The following USP15 variants were observed in gnomAD, a reference collection of about 807,000 sequenced individuals.
USP15 encodes ubiquitin carboxyl-terminal hydrolase 15.
Under a neutral mutation model 127.1 loss-of-function variants are expected in USP15, and 18 were observed. The ratio of observed to expected loss-of-function variants is 0.14; its 90% CI spans 0.10 to 0.21. USP15 has a LOEUF of 0.21. Ranked by LOEUF, USP15 falls within the 10% of genes least tolerant of loss-of-function variation. The pLI is 1.00. For synonymous variants in USP15, 364 were observed against 393.7 expected (o/e 0.92, Z 0.89); for missense variants, 805 against 1,159.9 (o/e 0.69, Z 4.44).
rs577883982 is a variant in USP15, at chr12:62,291,330, G to C, written c.90-2849G>C. On this transcript the variant is annotated intron_variant, in intron 1 of 21. Coordinates refer to ENST00000280377, the MANE Select transcript of USP15 (RefSeq NM_001252078.2). ...TGTTCTGAGATTGTTTATTCTCCTTGATCTAGTTTATTGTTGAAGCTTTCA... is the reference window on the plus strand; with the variant it reads ...TGTTCTGAGATTGTTTATTCTCCTTCATCTAGTTTATTGTTGAAGCTTTCA... Among the ~76,000 whole-genome samples, 8 of 151,998 alleles carry C rather than the reference G, an allele frequency of 5.3e-5. No homozygotes were observed. The South Asian group carries it at 1.7e-3, about 32-fold the overall frequency.
chr12:62,353,977 G>C (rs1167656436), intron 7 of USP15, among the ~76,000 whole-genome samples: 4 of 151,910 alleles, frequency 2.6e-5, no homozygotes, highest in African/African-American at 9.7e-5. Flanking sequence ...TCTCAGGGTG[G>C]ATTATTTTTT....
At chr12:62,349,182 C>T (rs991933019) in intron 6 of USP15, 39 bp from the exon 7 acceptor site, 14 of 1,208,734 alleles carry the variant, frequency 1.2e-5, no homozygotes, top group Admixed American at 3.1e-5. Context: ...AAAAATTCTT[C>T]ATTTTTTTAT....
chr12:62,404,518 T>A lies in USP15; in HGVS notation c.*143T>A. On this transcript the variant is annotated 3_prime_UTR_variant, in exon 22 of 22. Transcript: ENST00000280377. ...TGTAAATCCTTTATCAGATTTTAAC[T>A]TGTGCAGTACTTGAAGTGAAACACA... 8.1e-7 allele frequency: 1 copy of A among 1,237,052 alleles called. No individual in the cohort carries two copies. The highest frequency in any genetic ancestry group is 1.1e-6 in the Non-Finnish European group (1 of 935,884). 76.6% of individuals were successfully genotyped at this position (1,237,052 alleles called of 1,614,324 possible). A position where few individuals can be genotyped will look rare whatever the true frequency, so the allele number is the denominator to read the frequency against.
chr12:62,303,072 C>A (rs1218006942), intron 3 of USP15, 152 bp downstream of exon 3: 21 of 810,252 alleles, frequency 2.6e-5, no homozygotes, highest in Non-Finnish European at 3.7e-5. Flanking sequence ...TGGCAAGTAA[C>A]ATGTTAAGAA....
At chr12:62,379,575 G>A (rs546791373) in intron 8 of USP15, among the ~76,000 whole-genome samples, 1 of 152,208 alleles carries the variant, frequency 6.6e-6, no homozygotes, top group African/African-American at 2.4e-5. Context: ...AATTACTCAG[G>A]TTTGTGCAAC....
chr12:62,343,857 G>A (rs535941850), intron 6 of USP15, among the ~76,000 whole-genome samples: 13 of 152,112 alleles, frequency 8.5e-5, no homozygotes, highest in Middle Eastern at 3.4e-3. Flanking sequence ...GCCCCTCCCC[G>A]AAACTGCCAT....
intron 7 of USP15, among the ~76,000 whole-genome samples, chr12:62,350,341 A>G (rs2065932768): frequency 6.6e-6 from 1 of 152,192 alleles, no homozygotes; most frequent in Non-Finnish European, 1.5e-5. Context: ...AGATCTTTGT[A>G]TAAAAAGAAT....
At chr12:62,303,599 G>T (rs74746435) in intron 3 of USP15, 6 of 151,472 alleles carry the variant, frequency 4.0e-5, no homozygotes, top group Non-Finnish European at 5.9e-5. Context: ...TGGGTCCCCC[G>T]ACCCTCCCCC....
intron 8 of USP15, among the ~76,000 whole-genome samples, chr12:62,375,732 T>C: frequency 6.6e-6 from 1 of 152,184 alleles, no homozygotes; most frequent in East Asian, 1.9e-4. Flanking sequence ...AAGGAATATG[T>C]CTTAAGACGC....
intron 3 of USP15, chr12:62,306,023 G>T (rs922246539): frequency 6.6e-6 from 1 of 152,144 alleles, no homozygotes; most frequent in Non-Finnish European, 1.5e-5. Flanking sequence ...TGAGATCTCT[G>T]GCCAATAGAG....
intron 2 of USP15, 108 bp from the exon 3 acceptor site, chr12:62,302,682 G>C: frequency 7.9e-7 from 1 of 1,271,752 alleles, no homozygotes; most frequent in Non-Finnish European, 1.1e-6. Flanking sequence ...TTGCTTTAGA[G>C]CTTAAAACTT....
intron 3 of USP15, among the ~76,000 whole-genome samples, chr12:62,313,792 A>G (rs1252083896): frequency 6.6e-6 from 1 of 151,790 alleles, no homozygotes. Flanking sequence ...ATGACAAAGT[A>G]TCATAAAAAT....
chr12:62,302,407 A>G (rs187419395), intron 2 of USP15, among the ~76,000 whole-genome samples: 1 of 152,224 alleles, frequency 6.6e-6, no homozygotes, highest in Admixed American at 6.5e-5. Context: ...TTGCTTTTTG[A>G]TTTATGGTAC....
chr12:62,285,165 G>A (rs2063754556), intron 1 of USP15, among the ~76,000 whole-genome samples: 1 of 152,112 alleles, frequency 6.6e-6, no homozygotes, highest in African/African-American at 2.4e-5. Context: ...TGGATGAACT[G>A]CATAATGGTG....
chr12:62,393,299 T>C, intron 19 of USP15, 97 bp downstream of exon 19: 3 of 1,384,682 alleles, frequency 2.2e-6, no homozygotes, highest in South Asian at 1.5e-5. Context: ...TCAGGTGCCA[T>C]TGGACCCAAT....
At chr12:62,281,376 G>T (rs1209989761) in intron 1 of USP15, among the ~76,000 whole-genome samples, 2 of 151,790 alleles carry the variant, frequency 1.3e-5, no homozygotes, top group East Asian at 3.9e-4. Context: ...TTGCTCTATT[G>T]CCCAGGCTGG....
At chr12:62,281,878 T>C (rs777900390) in intron 1 of USP15, among the ~76,000 whole-genome samples, 2 of 152,184 alleles carry the variant, frequency 1.3e-5, no homozygotes, top group Non-Finnish European at 2.9e-5. Context: ...TAGAAATGTA[T>C]GACATTATAG....
intron 1 of USP15, among the ~76,000 whole-genome samples, chr12:62,266,511 T>C (rs759615579): frequency 2.7e-5 from 4 of 150,104 alleles, no homozygotes; most frequent in Non-Finnish European, 6.0e-5. Context: ...AATAAAACAG[T>C]CAATTTTGCT....
In USP15 at chr12:62,408,075, T is replaced by A. The variant is rs2067930676; in HGVS notation, c.*3700T>A. 6.6e-6 allele frequency: 1 copy of A among 152,114 alleles called. No individual in the cohort carries two copies. The highest frequency in any genetic ancestry group is 2.4e-5 in the African/African-American group (1 of 41,430). 9.4% of individuals were successfully genotyped at this position (152,114 alleles called of 1,614,324 possible). A position where few individuals can be genotyped will look rare whatever the true frequency, so the allele number is the denominator to read the frequency against. On this transcript the variant is annotated 3_prime_UTR_variant, in exon 22 of 22. Coordinates refer to ENST00000280377, the MANE Select transcript of USP15 (RefSeq NM_001252078.2). ...GATACAACATAAAGGTGGTGGGGTT[T>A]TTTATGAACTAATTTGATTGAAGTG...
Sources: allele counts gnomAD v4.1 joint callset (sites outside exome capture counted in the v4.1 genomes callset), GRCh38; gene constraint gnomAD v4.1.1; transcripts MANE v1.5; gene names NCBI Gene and HGNC (gene_info 2026-07-23, HGNC 2026-07-21).